SHPRH: variants seen among roughly 807,000 people sequenced by gnomAD.
SHPRH encodes the protein SNF2 histone linker PHD RING helicase, also known as E3 ubiquitin-protein ligase SHPRH.
A neutral mutation model predicts 202.5 loss-of-function variants in SHPRH; 106 were observed. The ratio of observed to expected loss-of-function variants is 0.52; its 90% confidence interval spans 0.45 to 0.62. The LOEUF is 0.62. Among genes scored for constraint, SHPRH ranks in the 20% least tolerant of loss-of-function variants. The pLI is 0.00. For missense variants in SHPRH, 1,710 were observed against 2,020.0 expected, an observed-to-expected ratio of 0.85 and a Z score of 2.94; for synonymous variants, 729 against 686.0, an observed-to-expected ratio of 1.06 and a Z score of -0.98.
chr6:145,960,775 T>C (rs1040545051), intron 1 of SHPRH, among the ~76,000 whole-genome samples: 1 of 152,188 alleles, frequency 6.6e-6, no homozygotes, highest in Non-Finnish European at 1.5e-5. Context: ...TTGCTACTTA[T>C]CATCATCCTG....
chr6:145,937,925 T>G (rs1357852210), intron 11 of SHPRH, among the ~76,000 whole-genome samples: 1 of 152,208 alleles, frequency 6.6e-6, no homozygotes, highest in African/African-American at 2.4e-5. Context: ...TAGTTAGAAT[T>G]TTCCTTTTTT....
chr6:145,923,473 T>C (rs1482458887), intron 18 of SHPRH, among the ~76,000 whole-genome samples, 170 bp downstream of exon 18: 1 of 151,744 alleles, frequency 6.6e-6, no homozygotes, highest in Admixed American at 6.6e-5. Context: ...ATAACCATTT[T>C]GATAAACTGT....
At chr6:145,915,916 C>T (rs1279081693) in intron 23 of SHPRH, among the ~76,000 whole-genome samples, 2 of 151,950 alleles carry the variant, frequency 1.3e-5, no homozygotes, top group African/African-American at 4.8e-5. Context: ...ATTATCTCTT[C>T]AAGCTTCTGT....
chr6:145,955,366 A>C lies in SHPRH; in HGVS notation c.-32-12T>G, dbSNP rs1788399960. The stretch of plus-strand genomic sequence containing the variant: ...GGTAACTGTGAACTCTAGAGGACAA[A>C]TGAAACAACAGGAGGTATAACAAGA... On this transcript the variant is annotated splice_polypyrimidine_tract_variant and intron_variant, in intron 1 of 29. Transcript: ENST00000275233. 13 of 1,548,862 alleles carry C rather than the reference A, an allele frequency of 8.4e-6. No homozygotes were observed. The highest frequency in any genetic ancestry group is 1.1e-5 in the Non-Finnish European group (13 of 1,154,008).
At chr6:145,918,254 A>C in intron 22 of SHPRH, 22 bp from the exon 23 acceptor site, 1 of 1,445,156 alleles carries the variant, frequency 6.9e-7, no homozygotes, top group Non-Finnish European at 9.3e-7. Context: ...AAAAATAAAA[A>C]CTTCTTTATT....
At chr6:145,878,904 A>G (rs960769884) in intron 2 of SHPRH, among the ~76,000 whole-genome samples, 2 of 152,246 alleles carry the variant, frequency 1.3e-5, no homozygotes, top group African/African-American at 4.8e-5. Flanking sequence ...GATAAAAGCT[A>G]ATCAGTGTGT....
intron 2 of SHPRH, among the ~76,000 whole-genome samples, chr6:145,865,413 A>T (rs1171977883): frequency 6.6e-6 from 1 of 152,344 alleles, no homozygotes; most frequent in East Asian, 1.9e-4. Flanking sequence ...ACCATGTGAC[A>T]TCCTGATCTT....
intron 13 of SHPRH, 149 bp from the exon 14 acceptor site, chr6:145,933,327 T>G: frequency 1.7e-6 from 2 of 1,162,820 alleles, no homozygotes; most frequent in Non-Finnish European, 2.4e-6. Context: ...ATTTTTACCA[T>G]TATTTTTTCC....
intron 28 of SHPRH, among the ~76,000 whole-genome samples, chr6:145,888,508 C>CTGGCA (rs2128709683): frequency 6.6e-6 from 1 of 152,228 alleles, no homozygotes; most frequent in South Asian, 2.1e-4. Flanking sequence ...CAAAAGAAGG[C>CTGGCA]TGGCATGGCA....
intron 2 of SHPRH, among the ~76,000 whole-genome samples, chr6:145,869,362 C>A (rs2128689169): frequency 6.6e-6 from 1 of 152,304 alleles, no homozygotes; most frequent in South Asian, 2.1e-4. Context: ...TATAGCTTAT[C>A]AATTCTGTTT....
intron 2 of SHPRH, among the ~76,000 whole-genome samples, chr6:145,866,769 G>T (rs1208699330): frequency 6.6e-6 from 1 of 152,192 alleles, no homozygotes; most frequent in East Asian, 1.9e-4. Context: ...GAGACTGGAA[G>T]ATTTGCTTCT....
In SHPRH at chr6:145,952,374, T is replaced by C; in HGVS notation, c.738A>G (p.Glu246=). 6.2e-7 allele frequency: 1 copy of C among 1,605,432 alleles called. No homozygotes were observed. Among genetic ancestry groups the C allele is most frequent in the Non-Finnish European group, 8.5e-7 (1 of 1,175,904 alleles). The change falls in exon 3 of 30, where the codon GAA becomes GAG. Residue 246 remains glutamate, a synonymous_variant. Transcript: ENST00000275233. ...CTGGAATAATAGAATTGTGTAACTTTTCCATTACTTTCTTCATGAGCTGAT... is the reference window on the plus strand; with the variant it reads ...CTGGAATAATAGAATTGTGTAACTTCTCCATTACTTTCTTCATGAGCTGAT... The part of the protein sequence containing the change: ...KFNQLMKKVM[E]KLHNSIIPDV...
downstream of SHPRH, among the ~76,000 whole-genome samples, chr6:145,861,114 A>G (rs1242355884): frequency 1.3e-5 from 2 of 152,170 alleles, no homozygotes; most frequent in Non-Finnish European, 2.9e-5. Flanking sequence ...GGTAAAAAAC[A>G]AAAAATAAAC....
intron 23 of SHPRH, among the ~76,000 whole-genome samples, chr6:145,914,785 T>C (rs1027382003): frequency 2.0e-5 from 3 of 152,180 alleles, no homozygotes; most frequent in Admixed American, 1.3e-4. Flanking sequence ...TATCCAGTTA[T>C]CTTTCCATTA....
downstream of SHPRH, among the ~76,000 whole-genome samples, chr6:145,863,345 G>A (rs17823001): frequency 0.13 from 20,171 of 152,190 alleles, 1,753 homozygotes; most frequent in Non-Finnish European, 0.2. Flanking sequence ...ACTTAACCAA[G>A]CCTGCTTGCA....
At chr6:145,933,897 T>G (rs961190555) in intron 13 of SHPRH, among the ~76,000 whole-genome samples, 8 of 152,080 alleles carry the variant, frequency 5.3e-5, no homozygotes, top group Admixed American at 1.3e-4. Context: ...ATCAGAGAGA[T>G]AGAAAATATT....
intron 14 of SHPRH, among the ~76,000 whole-genome samples, chr6:145,929,015 T>C (rs1785161359): frequency 6.6e-6 from 1 of 151,932 alleles, no homozygotes; most frequent in African/African-American, 2.4e-5. Context: ...TAGAGAATAA[T>C]TCAATTAACA....
intron 27 of SHPRH, 102 bp from the exon 28 acceptor site, chr6:145,893,495 G>C: frequency 9.2e-7 from 1 of 1,082,764 alleles, no homozygotes; most frequent in Non-Finnish European, 1.2e-6. Flanking sequence ...TATTACTATT[G>C]TGAAAGGTAA....
rs116202293 is a variant in SHPRH, at chr6:145,868,816, T to C, written c.222-4325A>G. ...TAGCTGATTTCTTGAAATGTCATTTTTGGGACAAATGTAAACATCTACAAT... is the reference window on the plus strand; with the variant it reads ...TAGCTGATTTCTTGAAATGTCATTTCTGGGACAAATGTAAACATCTACAAT... On this transcript the variant is annotated intron_variant, in intron 2 of 2. Transcript: ENST00000417762. 4.8e-3 allele frequency among the ~76,000 whole-genome samples: 737 copies of C among 152,338 alleles called. 7 individuals carry two copies. Among genetic ancestry groups the C allele is most frequent in the African/African-American group, 0.017 (687 of 41,582 alleles).
Sources: allele counts gnomAD v4.1 joint callset (sites outside exome capture counted in the v4.1 genomes callset), GRCh38; gene constraint gnomAD v4.1.1; transcripts MANE v1.5; gene names NCBI Gene and HGNC (gene_info 2026-07-23, HGNC 2026-07-21).